The following ANKS1B variants were observed in gnomAD, a reference collection of about 807,000 sequenced individuals.
The protein encoded by ANKS1B is ankyrin repeat and sterile alpha motif domain-containing protein 1B.
ANKS1B carries 36 observed loss-of-function variants against 148.3 expected under a neutral mutation model. The observed-to-expected ratio is 0.24, with a 90% CI of 0.19 to 0.32. The LOEUF is 0.32. Among genes scored for constraint, ANKS1B ranks in the 10% least tolerant of loss-of-function variants. The probability of loss-of-function intolerance (pLI) is 1.00; values close to 1 mark genes in which losing one functional copy is unlikely to be tolerated. For missense variants in ANKS1B, 1,157 were observed against 1,542.6 expected (o/e 0.75, Z 4.19); for synonymous variants, 542 against 560.8 (o/e 0.97, Z 0.47).
At chr12:98,781,988 C>A in intron 23 of ANKS1B, 138 bp downstream of exon 23, 1 of 728,162 alleles carries the variant, frequency 1.4e-6, no homozygotes, top group East Asian at 2.7e-5. Flanking sequence ...TATGCATCTG[C>A]AAAAAGTTTC....
At chr12:99,976,787 G>A (rs894480824) in intron 1 of ANKS1B, among the ~76,000 whole-genome samples, 1 of 152,170 alleles carries the variant, frequency 6.6e-6, no homozygotes, top group Non-Finnish European at 1.5e-5. Context: ...TCTGGACAGT[G>A]CAGTAGAAGA....
chr12:99,176,363 A>G (rs1218920058), intron 14 of ANKS1B, among the ~76,000 whole-genome samples: 4 of 152,142 alleles, frequency 2.6e-5, no homozygotes, highest in Non-Finnish European at 5.9e-5. Flanking sequence ...GCTGCTCTAG[A>G]CCTTCAACAA....
At chr12:98,782,913 GAC>G (rs2098751584) in intron 22 of ANKS1B, among the ~76,000 whole-genome samples, 1 of 152,214 alleles carries the variant, frequency 6.6e-6, no homozygotes, top group Non-Finnish European at 1.5e-5. Flanking sequence ...AAATGTGCAA[GAC>G]ACATCAAAGG....
chr12:99,166,634 T>C (rs757268476), intron 14 of ANKS1B, among the ~76,000 whole-genome samples: 2 of 152,030 alleles, frequency 1.3e-5, no homozygotes, highest in African/African-American at 4.8e-5. Context: ...TGGAAAGATA[T>C]ACTATGTTAA....
chr12:98,895,811 C>T (rs2099763793), intron 17 of ANKS1B, among the ~76,000 whole-genome samples: 1 of 152,096 alleles, frequency 6.6e-6, no homozygotes, highest in East Asian at 1.9e-4. Context: ...GTTTGTTTTT[C>T]CCCCCAAAAA....
intron 6 of ANKS1B, among the ~76,000 whole-genome samples, chr12:99,778,132 A>G (rs1464646595): frequency 6.6e-6 from 1 of 151,596 alleles, no homozygotes; most frequent in Non-Finnish European, 1.5e-5. Flanking sequence ...CCGGGGAGGC[A>G]GAGCTTGCAG....
At chr12:99,647,770 G>T in intron 9 of ANKS1B, 1 of 205,472 alleles carries the variant, frequency 4.9e-6, no homozygotes, top group Non-Finnish European at 1.0e-5. Context: ...GATGGTTCAG[G>T]TTGGGAAGAA....
chr12:99,513,764 C>G lies in ANKS1B; in HGVS notation c.1273-9123G>C, dbSNP rs575194559. ...GCTACCGCATGCTAGTCCAGACCAC[C>G]ATTATATTTCACCTGAACTGCTGGA... On this transcript the variant is annotated intron_variant, in intron 9 of 26. Coordinates refer to ENST00000683438, the MANE Select transcript of ANKS1B (RefSeq NM_001352186.2). Among the ~76,000 whole-genome samples, 12 of 152,128 alleles carry G rather than the reference C, an allele frequency of 7.9e-5. No individual in the cohort carries two copies. In the South Asian group the frequency reaches 1.7e-3, roughly 21 times the overall value.
At chr12:98,810,621 T>C (rs778590363) in intron 19 of ANKS1B, among the ~76,000 whole-genome samples, 22 of 152,144 alleles carry the variant, frequency 1.4e-4, no homozygotes, top group Non-Finnish European at 3.2e-4. Context: ...CACAAGTATA[T>C]CTAAATGCAA....
intron 17 of ANKS1B, chr12:98,894,932 C>A (rs866834032): frequency 5.6e-6 from 5 of 898,356 alleles, no homozygotes; most frequent in Non-Finnish European, 6.6e-6. Flanking sequence ...GCCCCCCACC[C>A]CCCGCCGCGC....
chr12:98,831,842 T>G, intron 18 of ANKS1B, 187 bp downstream of exon 18: 1 of 624,318 alleles, frequency 1.6e-6, no homozygotes, highest in Non-Finnish European at 2.9e-6. Context: ...CTCCGCCTTC[T>G]GGGTTCAAGT....
intron 1 of ANKS1B, among the ~76,000 whole-genome samples, chr12:99,977,376 C>T (rs1306854740): frequency 6.6e-6 from 1 of 152,142 alleles, no homozygotes; most frequent in Non-Finnish European, 1.5e-5. Flanking sequence ...TCTTGAACCC[C>T]TGGCCTCAAG....
At chr12:98,978,119 T>G (rs2099900774) in intron 17 of ANKS1B, among the ~76,000 whole-genome samples, 1 of 152,182 alleles carries the variant, frequency 6.6e-6, no homozygotes, top group South Asian at 2.1e-4. Context: ...GCTTTTTAAA[T>G]TTTTAAATCT....
chr12:99,722,270 T>C (rs1454340884), intron 8 of ANKS1B, among the ~76,000 whole-genome samples: 1 of 152,200 alleles, frequency 6.6e-6, no homozygotes, highest in African/African-American at 2.4e-5. Context: ...AGATTCCATT[T>C]AGGACTCTCA....
intron 17 of ANKS1B, among the ~76,000 whole-genome samples, chr12:99,047,679 A>G (rs1455811539): frequency 1.3e-5 from 2 of 152,200 alleles, no homozygotes; most frequent in Admixed American, 6.5e-5. Flanking sequence ...TGGTGGAGCA[A>G]TATCTTTAAA....
rs2042758663 is a variant in ANKS1B, at chr12:99,062,440, C to A, written c.2626-9131G>T. On this transcript the variant is annotated intron_variant, in intron 16 of 26. Coordinates refer to ENST00000683438, the MANE Select transcript of ANKS1B (RefSeq NM_001352186.2). Reference sequence around the variant, plus strand: ...TGAGAATGAACCAACACTTTCAATGCATAAGGAACAGATAAAAATAATACT... The same window carrying A: ...TGAGAATGAACCAACACTTTCAATGAATAAGGAACAGATAAAAATAATACT... 2.0e-5 allele frequency among the ~76,000 whole-genome samples: 3 copies of A among 151,946 alleles called. 1 individual carries two copies. In the South Asian group the frequency reaches 6.2e-4, roughly 32 times the overall value.
At chr12:99,421,289 G>A (rs1237689447) in intron 11 of ANKS1B, among the ~76,000 whole-genome samples, 1 of 152,170 alleles carries the variant, frequency 6.6e-6, no homozygotes, top group Non-Finnish European at 1.5e-5. Context: ...ATTTACAGAG[G>A]TGAAGGTTGA....
At chr12:99,899,404 G>A (rs2093504933) in intron 1 of ANKS1B, among the ~76,000 whole-genome samples, 2 of 152,076 alleles carry the variant, frequency 1.3e-5, no homozygotes, top group Admixed American at 1.3e-4. Context: ...AATTTAGTGA[G>A]GTATGTGTTG....
intron 10 of ANKS1B, among the ~76,000 whole-genome samples, chr12:99,475,610 T>C (rs1277636558): frequency 6.6e-6 from 1 of 151,730 alleles, no homozygotes; most frequent in Admixed American, 6.6e-5. Flanking sequence ...TATAATTCCA[T>C]TTTTTTGGAT....
Sources: gnomAD v4.1 joint callset for allele counts (sites outside exome capture counted in the v4.1 genomes callset) on GRCh38, gnomAD v4.1.1 for gene constraint, MANE v1.5 for transcripts, NCBI Gene and HGNC (gene_info 2026-07-23, HGNC 2026-07-21) for gene names.